Variants in TRIP4 observed in about 807,000 individuals in gnomAD.
TRIP4 encodes the protein thyroid hormone receptor interactor 4.
TRIP4 carries 54 observed loss-of-function variants against 81.8 expected under a neutral mutation model. The observed-to-expected ratio is 0.66, with a 90% CI of 0.53 to 0.83. The LOEUF is 0.83. Among genes scored for constraint, TRIP4 ranks in the 40% least tolerant of loss-of-function variants. TRIP4 has a pLI of 0.00. For missense variants in TRIP4, 662 were observed against 683.6 expected, an observed-to-expected ratio of 0.97 and a Z score of 0.35; for synonymous variants, 270 against 242.8, an observed-to-expected ratio of 1.11 and a Z score of -1.04.
At position 64,393,978 on chromosome 15, in the gene TRIP4, T is replaced by C. The variant is rs759174180; in HGVS notation, c.134T>C (p.Ile45Thr). The change falls in exon 2 of 13, where the codon ATA (isoleucine) becomes ACA (threonine). Residue 45 changes from isoleucine (I) to threonine (T), a missense_variant. Transcript: ENST00000261884. ...TTGTCAATTGAGAGTGCTGAAGAGATACGAGAATATGTTACTGATCTCCTC... is the reference window on the plus strand; with the variant it reads ...TTGTCAATTGAGAGTGCTGAAGAGACACGAGAATATGTTACTGATCTCCTC... Reference protein sequence around the residue: ...YVLSIESAEEIREYVTDLLQG... With the variant: ...YVLSIESAEETREYVTDLLQG... 3 of 1,606,896 alleles carry C rather than the reference T, an allele frequency of 1.9e-6. No individual in the cohort carries two copies. Among genetic ancestry groups the C allele is most frequent in the Non-Finnish European group, 2.5e-6 (3 of 1,177,134 alleles).
chr15:64,395,424 G>A lies in TRIP4; in HGVS notation c.298G>A (p.Asp100Asn), dbSNP rs139281917. The A allele has an allele frequency of 3.0e-5, 49 of 1,610,760 alleles. No individual in the cohort carries two copies. Among genetic ancestry groups the A allele is most frequent in the East Asian group, 6.7e-5 (3 of 44,844 alleles). ...AATTTTAGATGGGCAGAAATCAGGC[G>A]ACCATCTAAAGCGGGGTAGGAAGAA... ...DEILDGQKSGDHLKRGRKKGR... is the reference protein window; with the variant it reads ...DEILDGQKSGNHLKRGRKKGR... Residue 100 changes from aspartate to asparagine, a missense_variant, in exon 3 of 13, where the codon GAC becomes AAC. Coordinates refer to ENST00000261884, the MANE Select transcript of TRIP4 (RefSeq NM_016213.5).
intron 11 of TRIP4, among the ~76,000 whole-genome samples, chr15:64,433,291 T>C (rs74615166): frequency 0.016 from 2,397 of 152,250 alleles, 25 homozygotes; most frequent in Middle Eastern, 0.034. Context: ...CTAATCCTTA[T>C]AATAATTCCA....
intron 11 of TRIP4, among the ~76,000 whole-genome samples, chr15:64,444,165 A>C (rs1477423999): frequency 1.3e-4 from 20 of 152,200 alleles, no homozygotes; most frequent in Non-Finnish European, 5.9e-5. Context: ...TTACTAGGAG[A>C]AAGTCTTCTC....
intron 6 of TRIP4, among the ~76,000 whole-genome samples, chr15:64,408,813 A>C (rs1401785174): frequency 6.6e-6 from 1 of 152,126 alleles, no homozygotes. Context: ...GATCTTAGAG[A>C]TAGGCCTAAT....
At position 64,431,671 on chromosome 15, in the gene TRIP4, A is replaced by G. The variant is rs1299038885; in HGVS notation, c.1575+6040A>G. Among the ~76,000 whole-genome samples, 3 of 151,096 alleles carry G rather than the reference A, an allele frequency of 2.0e-5. No individual in the cohort carries two copies. The East Asian group carries it at 5.9e-4, about 30-fold the overall frequency. On this transcript the variant is annotated intron_variant, in intron 11 of 12. Coordinates refer to ENST00000261884, the MANE Select transcript of TRIP4 (RefSeq NM_016213.5). ...CAGTGAGCAGAGATTGCACCACTGC[A>G]CTCCAGCCTGGGCAACAGCGTGAGA... is the stretch of plus-strand genomic sequence containing the variant.
At chr15:64,442,624 TAA>T (rs5813301) in intron 11 of TRIP4, among the ~76,000 whole-genome samples, 1 of 144,698 alleles carries the variant, frequency 6.9e-6, no homozygotes, top group Non-Finnish European at 1.5e-5. Flanking sequence ...AGAGTGAAGA[TAA>T]AAAAAAAAAA....
intron 7 of TRIP4, among the ~76,000 whole-genome samples, chr15:64,410,964 A>AT (rs1359242269): frequency 6.6e-6 from 1 of 152,232 alleles, no homozygotes; most frequent in African/African-American, 2.4e-5. Context: ...GGAAATACAG[A>AT]TTTTAAAACA....
At position 64,451,233 on chromosome 15, in the gene TRIP4, C is replaced by A. The variant is rs560237657; in HGVS notation, c.1679-3764C>A. 3.9e-5 allele frequency among the ~76,000 whole-genome samples: 6 copies of A among 152,122 alleles called. No individual in the cohort carries two copies. In the South Asian group the frequency reaches 1.2e-3, roughly 32 times the overall value. ...GTTCAAGCAATTCTCCTGCCTCAGC[C>A]TCCCGAGTAGCTGGGATTACAGGCG... On this transcript the variant is annotated intron_variant, in intron 12 of 12. Coordinates refer to ENST00000261884, the MANE Select transcript of TRIP4 (RefSeq NM_016213.5).
chr15:64,389,928 C>G (rs902077394), intron 1 of TRIP4, among the ~76,000 whole-genome samples: 4 of 150,546 alleles, frequency 2.7e-5, no homozygotes, highest in Admixed American at 6.7e-5. Flanking sequence ...TCTCGAACTC[C>G]TGACCTCAGA....
At chr15:64,443,484 G>A (rs1892562573) in intron 11 of TRIP4, among the ~76,000 whole-genome samples, 1 of 152,176 alleles carries the variant, frequency 6.6e-6, no homozygotes, top group South Asian at 2.1e-4. Context: ...GTAGAATTAG[G>A]TTTGGAGATC....
At chr15:64,400,685 C>T in intron 4 of TRIP4, 58 bp from the exon 5 acceptor site, 1 of 1,378,472 alleles carries the variant, frequency 7.3e-7, no homozygotes, top group South Asian at 1.2e-5. Flanking sequence ...TTAGATATAT[C>T]AAGAAAGCAA....
intron 5 of TRIP4, 57 bp from the exon 6 acceptor site, chr15:64,406,273 G>A (rs1475110727): frequency 6.3e-7 from 1 of 1,597,302 alleles, no homozygotes; most frequent in Non-Finnish European, 8.5e-7. Flanking sequence ...TTGCACACTG[G>A]TACAACTAAT....
chr15:64,408,230 G>A (rs955298332), intron 6 of TRIP4, among the ~76,000 whole-genome samples: 1 of 144,838 alleles, frequency 6.9e-6, no homozygotes, highest in African/African-American at 2.6e-5. Context: ...GAGCCACCGT[G>A]CCTGGCCTAA....
intron 8 of TRIP4, among the ~76,000 whole-genome samples, chr15:64,414,962 C>T (rs1891860472): frequency 1.3e-5 from 2 of 151,670 alleles, no homozygotes; most frequent in Non-Finnish European, 1.5e-5. Flanking sequence ...GCCATGGTGG[C>T]GTGGTGCCTG....
At chr15:64,388,977 G>C (rs976032770) in intron 1 of TRIP4, among the ~76,000 whole-genome samples, 1 of 152,186 alleles carries the variant, frequency 6.6e-6, no homozygotes, top group Admixed American at 6.5e-5. Flanking sequence ...AGACAAGACA[G>C]TTGGGTTCCC....
chr15:64,443,603 T>C (rs569296339), intron 11 of TRIP4, among the ~76,000 whole-genome samples: 2 of 152,238 alleles, frequency 1.3e-5, no homozygotes, highest in South Asian at 2.1e-4. Flanking sequence ...CTGTTTTTCT[T>C]TGGCTTCTGA....
At chr15:64,411,648 C>T (rs1341489577) in intron 7 of TRIP4, among the ~76,000 whole-genome samples, 1 of 150,366 alleles carries the variant, frequency 6.7e-6, no homozygotes, top group East Asian at 2.0e-4. Context: ...AAAAAAGTTA[C>T]AACTTTTTAG....
At chr15:64,452,585 ATCT>A (rs1382006569) in intron 12 of TRIP4, among the ~76,000 whole-genome samples, 3 of 152,154 alleles carry the variant, frequency 2.0e-5, no homozygotes, top group Non-Finnish European at 2.9e-5. Context: ...GTTAGCTATA[ATCT>A]TCTTAATAAT....
At chr15:64,404,055 G>A (rs962032826) in intron 5 of TRIP4, among the ~76,000 whole-genome samples, 6 of 152,202 alleles carry the variant, frequency 3.9e-5, no homozygotes, top group East Asian at 1.9e-4. Flanking sequence ...GCCGTGCATG[G>A]TGGCACATGC....
Sources: gnomAD v4.1 joint callset for allele counts (sites outside exome capture counted in the v4.1 genomes callset) on GRCh38, gnomAD v4.1.1 for gene constraint, MANE v1.5 for transcripts, NCBI Gene and HGNC (gene_info 2026-07-23, HGNC 2026-07-21) for gene names.